The following ANHX variants were observed in gnomAD, a reference collection of about 807,000 sequenced individuals.
The protein encoded by ANHX is anomalous homeobox.
ANHX carries 20 observed loss-of-function variants against 38.9 expected under a neutral mutation model. That is an observed-to-expected ratio of 0.51 (90% CI 0.36 to 0.75). The LOEUF (loss-of-function observed/expected upper bound fraction) is 0.75, where lower values mean the gene tolerates loss of function less well. Among genes scored for constraint, ANHX ranks in the 30% least tolerant of loss-of-function variants. The pLI, the probability that ANHX is intolerant of heterozygous loss-of-function variation, is 0.00. For missense variants in ANHX, 475 were observed against 493.1 expected (o/e 0.96, Z 0.35); for synonymous variants, 185 against 203.1 (o/e 0.91, Z 0.76).
At chr12:133,224,832 T>TG (rs1173296781) in intron 7 of ANHX, among the ~76,000 whole-genome samples, 1 of 150,278 alleles carries the variant, frequency 6.7e-6, no homozygotes, top group Non-Finnish European at 1.5e-5. Context: ...CCAGGCGTGG[T>TG]GGCGGGCGCC....
chr12:133,227,871 G>A lies in ANHX; in HGVS notation c.454C>T (p.His152Tyr), dbSNP rs1307995395. ...GTGTTCACCCCCACAGCGAAATTGT[G>A]CAGCTTCTCACGAACCTCTCTGGGG... The part of the protein sequence containing the change: ...NFPREVREKL[H>Y]NFAVGVNTNP... Residue 152 changes from histidine (H) to tyrosine (Y), a missense_variant, in exon 4 of 10, where the codon CAC becomes TAC. Physicochemically the swap from His to Tyr is moderately conservative, Grantham distance 83. Transcript: ENST00000545940. The A allele has an allele frequency of 4.7e-6, 7 of 1,498,530 alleles. No homozygotes were observed. In the African/African-American group the frequency reaches 8.4e-5, roughly 18 times the overall value. The allele number at this position is 1,498,530 out of a possible 1,614,324, so 92.8% of individuals were successfully genotyped here.
At chr12:133,228,558 C>G (rs562900078) in intron 3 of ANHX, among the ~76,000 whole-genome samples, 9 of 152,186 alleles carry the variant, frequency 5.9e-5, no homozygotes, top group African/African-American at 2.2e-4. Flanking sequence ...CCTCCCAAGA[C>G]TTAATGTCCT....
Position 133,221,105 on chromosome 12 carries a change from T to A in ANHX, c.1280+100A>T. 1 of 1,408,014 alleles carries A rather than the reference T, an allele frequency of 7.1e-7. No homozygotes were observed. Among genetic ancestry groups the A allele is most frequent in the Non-Finnish European group, 9.4e-7 (1 of 1,060,268 alleles). 87.2% of individuals were successfully genotyped at this position (1,408,014 alleles called of 1,614,324 possible). ...TTCAGCAATCCAAAGGAGAGGACCCTATCTGCACAGTCCGGGACGGTGAGT... is the reference window on the plus strand; with the variant it reads ...TTCAGCAATCCAAAGGAGAGGACCCAATCTGCACAGTCCGGGACGGTGAGT... On this transcript the variant is annotated intron_variant, in intron 8 of 9. Transcript: ENST00000545940. This position sits in a 1 kb window ranked among gnomAD's most constrained non-coding sequence, Gnocchi z 4.1.
Position 133,221,340 on chromosome 12 carries a change from G to A in ANHX, c.1145C>T (p.Pro382Leu). 1 of 1,535,304 alleles carries A rather than the reference G, an allele frequency of 6.5e-7. No homozygotes were observed. Among genetic ancestry groups the A allele is most frequent in the South Asian group, 1.2e-5 (1 of 83,972 alleles). ...GDPSPTGFSG[P>L]PSGHPQSVQL... ...CACGCTCTGGGGATGGCCGCTGGGG[G>A]GGCCAGAAAACCCTGCATGTAATGA... The change falls in exon 8 of 10, where the codon CCC becomes CTC. Residue 382 changes from proline (P) to leucine (L), a missense_variant. Transcript: ENST00000545940. This position sits in a 1 kb window ranked among gnomAD's most constrained non-coding sequence, Gnocchi z 4.1.
At chr12:133,230,342 TGAC>T (rs1213850334) in intron 3 of ANHX, among the ~76,000 whole-genome samples, 1 of 152,256 alleles carries the variant, frequency 6.6e-6, no homozygotes, top group Non-Finnish European at 1.5e-5. Flanking sequence ...GCTGGGCTTC[TGAC>T]GACTTGTCTT....
At chr12:133,232,173 C>T (rs1342736076) in intron 2 of ANHX, among the ~76,000 whole-genome samples, 5 of 74,632 alleles carry the variant, frequency 6.7e-5, no homozygotes, top group African/African-American at 1.9e-4. Context: ...CTCAGGTACT[C>T]GGCACAATCT....
intron 2 of ANHX, 34 bp downstream of exon 2, chr12:133,234,074 C>T: frequency 3.9e-6 from 6 of 1,530,278 alleles, no homozygotes; most frequent in Non-Finnish European, 5.2e-6. Context: ...GTTGCTACCT[C>T]TCTCTGTACC....
In ANHX at chr12:133,231,544, G is replaced by A. The variant is rs1384659473; in HGVS notation, c.350C>T (p.Pro117Leu). Residue 117 changes from proline to leucine, a missense_variant, in exon 3 of 10, where the codon CCG becomes CTG. Transcript: ENST00000545940. ...CTTCCTGCAGCGGAACTTCTGCACCGGGGTGAGCGCAGCCACGCCCAGCCT... is the reference window on the plus strand; with the variant it reads ...CTTCCTGCAGCGGAACTTCTGCACCAGGGTGAGCGCAGCCACGCCCAGCCT... ...MRRLGVAALT[P>L]VQKFRCRKRN... 9 of 1,535,882 alleles carry A rather than the reference G, an allele frequency of 5.9e-6. No individual in the cohort carries two copies. In the Admixed American group the frequency reaches 5.9e-5, roughly 10 times the overall value.
intron 3 of ANHX, among the ~76,000 whole-genome samples, chr12:133,228,341 GC>G (rs1315896143): frequency 6.6e-6 from 1 of 152,038 alleles, no homozygotes; most frequent in Non-Finnish European, 1.5e-5. Flanking sequence ...CCCGTGGATG[GC>G]CCTCCTGGAC....
rs1490860855 is a variant in ANHX at position 133,219,312 on chromosome 12, C to T, written c.1336G>A (p.Glu446Lys). The T allele has an allele frequency of 2.0e-6, 3 of 1,535,590 alleles. No individual in the cohort carries two copies. Among genetic ancestry groups the T allele is most frequent in the Non-Finnish European group, 2.6e-6 (3 of 1,146,792 alleles). Residue 446 changes from glutamate to lysine, a missense_variant, in exon 9 of 10, where the codon GAG (glutamate) becomes AAG (lysine). By Grantham distance (56) the Glu-to-Lys change is moderately conservative. Transcript: ENST00000545940. ...SAFPGPVSAM[E>K]LSQALPSSQV... Reference sequence around the variant, plus strand: ...CTGGAGGGCAGGGCCTGGCTCAGCTCCATGGCAGACACAGGGCCGGGGAAG... The same window carrying T: ...CTGGAGGGCAGGGCCTGGCTCAGCTTCATGGCAGACACAGGGCCGGGGAAG...
chr12:133,233,062 G>A (rs965675003), intron 2 of ANHX, among the ~76,000 whole-genome samples: 2 of 152,202 alleles, frequency 1.3e-5, no homozygotes, highest in African/African-American at 2.4e-5. Context: ...CTGGCCACAC[G>A]GAGAGCCAGG....
intron 7 of ANHX, among the ~76,000 whole-genome samples, chr12:133,224,334 G>C (rs140468972): frequency 0.035 from 5,259 of 152,260 alleles, 316 homozygotes; most frequent in African/African-American, 0.12. Flanking sequence ...AAAAGCTGAA[G>C]AGAAAAGATG....
chr12:133,218,909 C>G lies in ANHX; in HGVS notation c.1428G>C (p.Glu476Asp). Residue 476 changes from glutamate to aspartate, a missense_variant, in exon 10 of 10, where the codon GAG becomes GAC. By Grantham distance (45) the Glu-to-Asp change is conservative. Coordinates refer to ENST00000545940, the MANE Select transcript of ANHX (RefSeq NM_001372060.1). ...DAFWGARMLL[E>D]FSGSSLG ...CTCAGCCCAGGCTGCTCCCTGAAAA[C>G]TCAAGGAGCATCCTGGCTCCCCAGA... 4 of 1,532,590 alleles carry G rather than the reference C, an allele frequency of 2.6e-6. No individual in the cohort carries two copies. Among genetic ancestry groups the G allele is most frequent in the Non-Finnish European group, 2.6e-6 (3 of 1,144,416 alleles). The allele number at this position is 1,532,590 out of a possible 1,614,324, so 94.9% of individuals were successfully genotyped here. A position where few individuals can be genotyped will look rare whatever the true frequency, so the allele number is the denominator to read the frequency against.
intron 1 of ANHX, chr12:133,235,555 C>G (rs866389371): frequency 7.9e-5 from 12 of 151,568 alleles, no homozygotes; most frequent in African/African-American, 2.9e-4. Flanking sequence ...CTGGGAGGCT[C>G]CACCCTCAGC....
At chr12:133,219,258 T>C in intron 9 of ANHX, 25 bp downstream of exon 9, 2 of 1,522,812 alleles carry the variant, frequency 1.3e-6, no homozygotes, top group Non-Finnish European at 1.8e-6. Flanking sequence ...GAGGGAATCC[T>C]TCAGTGCTCA....
In ANHX at chr12:133,234,211, C is replaced by T; in HGVS notation, c.146G>A (p.Ser49Asn). ...LQPLVTAILDSQLRLHLLDNA... is the reference protein window; with the variant it reads ...LQPLVTAILDNQLRLHLLDNA... ...GTCCAGGAGATGCAGGCGGAGCTGG[C>T]TGTCCAGAATGGCTGTGACCAAAGG... Residue 49 changes from serine (S) to asparagine (N), a missense_variant, in exon 2 of 10, where the codon AGC (serine) becomes AAC (asparagine). Ser to Asn is a conservative substitution (Grantham distance 46). Coordinates refer to ENST00000545940, the MANE Select transcript of ANHX (RefSeq NM_001372060.1). 1 of 1,536,184 alleles carries T rather than the reference C, an allele frequency of 6.5e-7. No individual in the cohort carries two copies. The highest frequency in any genetic ancestry group is 1.2e-5 in the South Asian group (1 of 84,066).
At chr12:133,224,117 C>A (rs1301757499) in intron 7 of ANHX, among the ~76,000 whole-genome samples, 1 of 151,948 alleles carries the variant, frequency 6.6e-6, no homozygotes, top group Non-Finnish European at 1.5e-5. Flanking sequence ...TGGAGTAAAC[C>A]CAGGGAAGCA....
rs918259329 is a variant in ANHX at position 133,231,701 on chromosome 12, G to C, written c.250-57C>G. The C allele has an allele frequency of 9.2e-6, 14 of 1,526,330 alleles. No individual in the cohort carries two copies. In the African/African-American group the frequency reaches 1.9e-4, roughly 21 times the overall value. 94.5% of individuals were successfully genotyped at this position (1,526,330 alleles called of 1,614,324 possible). ...CCTGCCCACCCTGGAGCACTGTTGG[G>C]ACCTGCATCTGCCATCCCAAACCGA... On this transcript the variant is annotated intron_variant, in intron 2 of 9. Coordinates refer to ENST00000545940, the MANE Select transcript of ANHX (RefSeq NM_001372060.1).
intron 7 of ANHX, among the ~76,000 whole-genome samples, chr12:133,223,211 T>TAA (rs1288000828): frequency 1.3e-5 from 2 of 151,380 alleles, no homozygotes; most frequent in Non-Finnish European, 2.9e-5. Flanking sequence ...TATATATATA[T>TAA]AACTGTTAAA....
Sources: allele counts gnomAD v4.1 joint callset (sites outside exome capture counted in the v4.1 genomes callset), GRCh38; gene constraint gnomAD v4.1.1; non-coding constraint Gnocchi (gnomAD v3.1); transcripts MANE v1.5; gene names NCBI Gene and HGNC (gene_info 2026-07-23, HGNC 2026-07-21).